Variants in IGDCC3 observed in about 807,000 individuals in gnomAD.
The protein encoded by IGDCC3 is putative neuronal cell adhesion molecule.
IGDCC3 carries 47 observed loss-of-function variants against 72.0 expected under a neutral mutation model. The ratio of observed to expected loss-of-function variants is 0.65; its 90% CI spans 0.52 to 0.83. IGDCC3 has a LOEUF of 0.83. Among genes scored for constraint, IGDCC3 ranks in the 40% least tolerant of loss-of-function variants. IGDCC3 has a pLI of 0.00. For synonymous variants in IGDCC3, 477 were observed against 472.8 expected (o/e 1.01, Z -0.11); for missense variants, 1,038 against 1,091.3 (o/e 0.95, Z 0.69).
Position 65,328,939 on chromosome 15 carries a change from C to A in IGDCC3, c.2415G>T (p.Arg805=). Residue 805 remains arginine, a synonymous_variant, in exon 14 of 14, where the codon CGG becomes CGT. Transcript: ENST00000327987. The part of the protein sequence containing the change: ...EGQASRPAAA[R]VTQPAHSEQ ...GTTCCGAGTGAGCTGGCTGGGTAAC[C>A]CGGGCCGCTGCAGGCCTGGAAGCCT... is the stretch of plus-strand genomic sequence containing the variant. 1 of 1,562,072 alleles carries A rather than the reference C, an allele frequency of 6.4e-7. No homozygotes were observed. The highest frequency in any genetic ancestry group is 8.6e-7 in the Non-Finnish European group (1 of 1,157,296).
In IGDCC3 at chr15:65,329,447, C is replaced by A; in HGVS notation, c.2148G>T (p.Glu716Asp). Residue 716 changes from glutamate (E) to aspartate (D), a missense_variant, in exon 13 of 14, where the codon GAG (glutamate) becomes GAT (aspartate). Physicochemically the swap from Glu to Asp is conservative, Grantham distance 45. Transcript: ENST00000327987. The surrounding 1 kb of genome is among the most constrained non-coding windows in gnomAD (Gnocchi z 4.1). The part of the protein sequence containing the change: ...GRDEKRVDMK[E>D]LEQLFPPASA... The stretch of plus-strand genomic sequence containing the variant: ...TGGCCGGGGGGAACAGCTGCTCCAG[C>A]TCCTTCATATCCACACGTTTCTCGT... 6.2e-7 allele frequency: 1 copy of A among 1,609,286 alleles called. No individual in the cohort carries two copies. Among genetic ancestry groups the A allele is most frequent in the Non-Finnish European group, 8.5e-7 (1 of 1,178,286 alleles).
chr15:65,368,160 T>TCACACA (rs57451250), intron 2 of IGDCC3, among the ~76,000 whole-genome samples: 4,090 of 146,262 alleles, frequency 0.028, 214 homozygotes, highest in African/African-American at 0.099. Flanking sequence ...TCTCTTTCAC[T>TCACACA]CACACACACA....
Position 65,331,094 on chromosome 15 carries a change from G to GC in IGDCC3, c.1516dup (p.Ala506GlyfsTer11), listed in dbSNP as rs765928620. ...TAGGGTGGGCACAGAGGCTGAGCTG[G>GC]CCCCCCTTGGTGTGTAGGCCTTGAT... On this transcript the variant is annotated frameshift_variant, in exon 9 of 14. Transcript: ENST00000327987. LOFTEE classifies it high-confidence loss of function. 26 of 1,614,014 alleles carry GC rather than the reference G, an allele frequency of 1.6e-5. No individual in the cohort carries two copies. Among genetic ancestry groups the GC allele is most frequent in the Non-Finnish European group, 1.9e-5 (23 of 1,180,036 alleles).
intron 2 of IGDCC3, chr15:65,373,857 G>A (rs542961965): frequency 6.6e-6 from 1 of 152,476 alleles, no homozygotes; most frequent in Non-Finnish European, 1.5e-5. Flanking sequence ...AGCTAGACCT[G>A]GGTGCAGGAG....
intron 2 of IGDCC3, among the ~76,000 whole-genome samples, chr15:65,365,367 C>A (rs1189478831): frequency 2.6e-5 from 4 of 152,146 alleles, no homozygotes; most frequent in Non-Finnish European, 5.9e-5. Context: ...CCCTCACATT[C>A]CAATGGCCTT....
At position 65,339,027 on chromosome 15, in the gene IGDCC3, TGAG is replaced by T. The variant is rs2091055693; in HGVS notation, c.410-3074_410-3072del. 6.6e-6 allele frequency among the ~76,000 whole-genome samples: 1 copy of T among 151,988 alleles called. No individual in the cohort carries two copies. The highest frequency in any genetic ancestry group is 6.6e-5 in the Admixed American group (1 of 15,262). On this transcript the variant is annotated intron_variant, in intron 2 of 13. Coordinates refer to ENST00000327987, the MANE Select transcript of IGDCC3 (RefSeq NM_004884.4). The surrounding 1 kb of genome is among the most constrained non-coding windows in gnomAD (Gnocchi z 4.1). The stretch of plus-strand genomic sequence containing the variant: ...AGGTGATCCTCCCGCCTCAGCCTCC[TGAG>T]GAGCTGGGACCACAAGCGCGCACCA...
chr15:65,344,806 G>C (rs56218574), intron 2 of IGDCC3, among the ~76,000 whole-genome samples: 2 of 152,312 alleles, frequency 1.3e-5, no homozygotes, highest in Non-Finnish European at 2.9e-5. Context: ...TCAGTGGAGG[G>C]TGTGAAGTGT....
chr15:65,357,965 G>A (rs1252047222), intron 2 of IGDCC3, among the ~76,000 whole-genome samples: 1 of 152,132 alleles, frequency 6.6e-6, no homozygotes, highest in Non-Finnish European at 1.5e-5. Context: ...GTAGATGTAG[G>A]ATGCCTGGAA....
chr15:65,355,050 G>T (rs992812906), intron 2 of IGDCC3, among the ~76,000 whole-genome samples: 10 of 152,174 alleles, frequency 6.6e-5, no homozygotes, highest in African/African-American at 9.7e-5. Flanking sequence ...GACCAGGGCA[G>T]AAACTCAGCC....
chr15:65,355,660 G>GCCCCCC lies in IGDCC3; in HGVS notation c.409+19431_409+19436dup. On this transcript the variant is annotated intron_variant, in intron 2 of 13. Transcript: ENST00000327987. ...TAATCCCCGCCGACGCGGGCGTCCC[G>GCCCCCC]CCCCCCCGCCCCTCCCGCATAGCAA... The GCCCCCC allele has an allele frequency of 3.0e-4, 34 of 113,946 alleles. 5 individuals are homozygous for GCCCCCC. The highest frequency in any genetic ancestry group is 6.6e-4 in the South Asian group (13 of 19,708). 7.1% of individuals were successfully genotyped at this position (113,946 alleles called of 1,614,324 possible).
At chr15:65,369,634 G>A (rs2091310950) in intron 2 of IGDCC3, among the ~76,000 whole-genome samples, 1 of 152,120 alleles carries the variant, frequency 6.6e-6, no homozygotes, top group South Asian at 2.1e-4. Context: ...GACTTCCTCA[G>A]GCCTCCCTCA....
intron 2 of IGDCC3, among the ~76,000 whole-genome samples, chr15:65,370,532 A>T (rs9744398): frequency 9.6e-4 from 137 of 142,712 alleles, no homozygotes; most frequent in African/African-American, 3.3e-3. Flanking sequence ...ATATATATAT[A>T]TATATTTATA....
chr15:65,334,299 G>C lies in IGDCC3; in HGVS notation c.823+429C>G, dbSNP rs565622358. ...AGGGGGCCAGGCTAGAGATTGGGGG[G>C]GCCCAGAGTGAGGGTCTGACAACTG... On this transcript the variant is annotated intron_variant, in intron 5 of 13. Transcript: ENST00000327987. Among the ~76,000 whole-genome samples the C allele has an allele frequency of 2.1e-4, 32 of 152,268 alleles. No homozygotes were observed. In the South Asian group the frequency reaches 6.4e-3, roughly 31 times the overall value.
rs768486193 is a variant in IGDCC3, at chr15:65,332,120, C to T, written c.983-14G>A. 6.2e-7 allele frequency: 1 copy of T among 1,609,478 alleles called. No individual in the cohort carries two copies. The highest frequency in any genetic ancestry group is 8.5e-7 in the Non-Finnish European group (1 of 1,177,386). ...ACTCAGCTGGGGCTGCGAGTAGAGT[C>T]AGGAGGGTGGGGGCGCAGACAGACA... On this transcript the variant is annotated splice_polypyrimidine_tract_variant and intron_variant, in intron 6 of 13. Coordinates refer to ENST00000327987, the MANE Select transcript of IGDCC3 (RefSeq NM_004884.4).
intron 2 of IGDCC3, among the ~76,000 whole-genome samples, chr15:65,372,154 C>T (rs369360158): frequency 2.0e-5 from 3 of 152,180 alleles, no homozygotes; most frequent in Admixed American, 6.5e-5. Flanking sequence ...AGTGCGGTGC[C>T]GGCTCCCGTT....
Position 65,377,663 on chromosome 15 carries a change from C to G in IGDCC3, c.103+23G>C, listed in dbSNP as rs190497116. On this transcript the variant is annotated intron_variant, in intron 1 of 13. Transcript: ENST00000327987. This position sits in a 1 kb window ranked among gnomAD's most constrained non-coding sequence, Gnocchi z 4.9. ...TCCCCTGGCTCCGTCCGCAACCGCCCGGTCCGGGGCGCTTTCACTCACCCT... is the reference window on the plus strand; with the variant it reads ...TCCCCTGGCTCCGTCCGCAACCGCCGGGTCCGGGGCGCTTTCACTCACCCT... 1.3e-5 allele frequency: 19 copies of G among 1,433,598 alleles called. 1 individual carries two copies. The South Asian group carries it at 2.7e-4, about 20-fold the overall frequency. The allele number at this position is 1,433,598 out of a possible 1,614,324, so 88.8% of individuals were successfully genotyped here. A position where few individuals can be genotyped will look rare whatever the true frequency, so the allele number is the denominator to read the frequency against.
intron 2 of IGDCC3, among the ~76,000 whole-genome samples, chr15:65,354,548 C>G (rs1389027149): frequency 6.6e-6 from 1 of 152,170 alleles, no homozygotes; most frequent in African/African-American, 2.4e-5. Context: ...GCTGTTGATG[C>G]GTCTATCTGC....
intron 2 of IGDCC3, among the ~76,000 whole-genome samples, chr15:65,338,009 G>C (rs2091046014): frequency 6.6e-6 from 1 of 152,202 alleles, no homozygotes; most frequent in Non-Finnish European, 1.5e-5. Flanking sequence ...ACAAGGGAAA[G>C]GGCTGCCTCT....
chr15:65,329,101 C>T lies in IGDCC3; in HGVS notation c.2253G>A (p.Val751=), dbSNP rs1340789535. Residue 751 remains valine, a synonymous_variant, in exon 14 of 14, where the codon GTG becomes GTA. Coordinates refer to ENST00000327987, the MANE Select transcript of IGDCC3 (RefSeq NM_004884.4). This position sits in a 1 kb window ranked among gnomAD's most constrained non-coding sequence, Gnocchi z 4.1. ...TCAGGCCGCACCCCTGAAGTGGCAG[C>T]ACGGAGAGCTGGGTCTCCTCACACG... The part of the protein sequence containing the change: ...PAPCEETQLS[V]LPLQGCGLME... 1 of 1,610,816 alleles carries T rather than the reference C, an allele frequency of 6.2e-7. No homozygotes were observed. Among genetic ancestry groups the T allele is most frequent in the South Asian group, 1.1e-5 (1 of 90,650 alleles).
Sources: allele counts gnomAD v4.1 joint callset (sites outside exome capture counted in the v4.1 genomes callset), GRCh38; gene constraint gnomAD v4.1.1; non-coding constraint Gnocchi (gnomAD v3.1); transcripts MANE v1.5; gene names NCBI Gene and HGNC (gene_info 2026-07-23, HGNC 2026-07-21).